HFM1: variants seen among roughly 807,000 people sequenced by gnomAD.
HFM1 encodes helicase for meiosis 1, also known as probable ATP-dependent DNA helicase HFM1.
HFM1 carries 169 observed loss-of-function variants against 192.1 expected under a neutral mutation model. The observed-to-expected ratio is 0.88, with a 90% confidence interval of 0.78 to 1.00. The LOEUF is 1.00. HFM1 is among the 50% of genes least tolerant of loss of function. HFM1 has a pLI of 0.00. For missense variants in HFM1, 1,661 were observed against 1,668.0 expected, an observed-to-expected ratio of 1.00 and a Z score of 0.07; for synonymous variants, 525 against 537.8, an observed-to-expected ratio of 0.98 and a Z score of 0.33.
intron 13 of HFM1, among the ~76,000 whole-genome samples, chr1:91,353,570 T>C (rs1657260961): frequency 7.3e-6 from 1 of 137,640 alleles, no homozygotes; most frequent in African/African-American, 2.7e-5. Context: ...CAAGTCAGTA[T>C]AAAAGTCTAC....
intron 4 of HFM1, among the ~76,000 whole-genome samples, chr1:91,393,104 TTATGG>T (rs1214058191): frequency 1.3e-5 from 2 of 152,204 alleles, no homozygotes; most frequent in African/African-American, 4.8e-5. Context: ...AAGGTGAATT[TTATGG>T]TATGTGAATT....
At chr1:91,347,374 G>T in intron 19 of HFM1, 55 bp downstream of exon 19, 1 of 982,922 alleles carries the variant, frequency 1.0e-6, no homozygotes, top group South Asian at 1.9e-5. Context: ...CACAATAACT[G>T]AACTTTTTCA....
intron 34 of HFM1, 52 bp from the exon 35 acceptor site, chr1:91,267,907 A>G (rs768096553): frequency 3.4e-5 from 32 of 945,360 alleles, no homozygotes; most frequent in Non-Finnish European, 4.9e-5. Context: ...TGGTTTCCAG[A>G]TATATTAAGA....
At chr1:91,289,847 G>A (rs4385688) in intron 30 of HFM1, among the ~76,000 whole-genome samples, 9 of 151,832 alleles carry the variant, frequency 5.9e-5, no homozygotes, top group East Asian at 3.9e-4. Flanking sequence ...GAGGGAGACC[G>A]TGCAAAGAGG....
At position 91,316,170 on chromosome 1, in the gene HFM1, A is replaced by T. The variant is rs748816269; in HGVS notation, c.2913T>A (p.His971Gln). The change falls in exon 27 of 39, where the codon CAT (histidine) becomes CAA (glutamine). Residue 971 changes from histidine (H) to glutamine (Q), a missense_variant. His to Gln is a conservative substitution (Grantham distance 24). Coordinates refer to ENST00000370425, the MANE Select transcript of HFM1 (RefSeq NM_001017975.6). The part of the protein sequence containing the change: ...ARELELILNR[H>Q]PPFGTQIKET... ...CTTTTATCTGGGTTCCAAAGGGGGG[A>T]TGTCTGTTTAAAATCTAAAAATATT... 8.9e-6 allele frequency: 14 copies of T among 1,571,996 alleles called. No homozygotes were observed. Among genetic ancestry groups the T allele is most frequent in the Non-Finnish European group, 1.2e-5 (14 of 1,152,948 alleles).
At chr1:91,364,374 A>G (rs1658940445) in intron 13 of HFM1, among the ~76,000 whole-genome samples, 1 of 151,832 alleles carries the variant, frequency 6.6e-6, no homozygotes, top group Admixed American at 6.6e-5. Context: ...TTATGGAAAT[A>G]GTATTGAGAT....
rs199920073 is a variant in HFM1 at position 91,323,178 on chromosome 1, T to G, written c.2449A>C (p.Lys817Gln). 1 of 1,575,146 alleles carries G rather than the reference T, an allele frequency of 6.3e-7. No individual in the cohort carries two copies. The highest frequency in any genetic ancestry group is 1.1e-5 in the South Asian group (1 of 88,450). ...CTTAACTGTATATCTAGAAATTCCT[T>G]GCAGCCAGCTATCAATGTAACCTAT... ...SDLVTLIAGCKEFLDIQLRIN... is the reference protein window; with the variant it reads ...SDLVTLIAGCQEFLDIQLRIN... Residue 817 changes from lysine (K) to glutamine (Q), a missense_variant, in exon 22 of 39, where the codon AAG (lysine) becomes CAG (glutamine). Lys to Gln is a moderately conservative substitution (Grantham distance 53). Transcript: ENST00000370425.
intron 30 of HFM1, 59 bp downstream of exon 30, chr1:91,313,290 A>G (rs1373302807): frequency 1.0e-6 from 1 of 989,168 alleles, no homozygotes; most frequent in Non-Finnish European, 1.5e-6. Flanking sequence ...TAACACTGAT[A>G]CTCCTTCCTA....
chr1:91,350,710 A>G, intron 18 of HFM1, 28 bp downstream of exon 18: 1 of 1,605,156 alleles, frequency 6.2e-7, no homozygotes, highest in Non-Finnish European at 8.5e-7. Context: ...TGAAAAAATT[A>G]CTACTTTTCC....
chr1:91,365,341 TTAAG>T lies in HFM1; in HGVS notation c.1685+10013_1685+10016del, dbSNP rs553083189. 9.2e-5 allele frequency among the ~76,000 whole-genome samples: 14 copies of T among 152,158 alleles called. No individual in the cohort carries two copies. The East Asian group carries it at 2.3e-3, about 25-fold the overall frequency. Reference sequence around the variant, plus strand: ...AATTATTTTGGATTAGGGATTCTTGTTAAGTAAGTAGATTTAGCTGCTCTTGTCA... The same window carrying T: ...AATTATTTTGGATTAGGGATTCTTGTTAAGTAGATTTAGCTGCTCTTGTCA... On this transcript the variant is annotated intron_variant, in intron 13 of 38. Transcript: ENST00000370425.
intron 19 of HFM1, among the ~76,000 whole-genome samples, chr1:91,346,268 A>G (rs1656125332): frequency 6.6e-6 from 1 of 152,246 alleles, no homozygotes; most frequent in Admixed American, 6.5e-5. Context: ...GAGATAAAAC[A>G]TTAAAGTTAT....
chr1:91,377,842 C>T, intron 11 of HFM1, 183 bp downstream of exon 11: 1 of 588,596 alleles, frequency 1.7e-6, no homozygotes, highest in Non-Finnish European at 3.0e-6. Context: ...TTTTATTAAA[C>T]CTGATTAACC....
intron 5 of HFM1, 35 bp from the exon 6 acceptor site, chr1:91,385,269 CA>C (rs147504208): frequency 3.2e-4 from 390 of 1,208,868 alleles, no homozygotes; most frequent in Non-Finnish European, 3.9e-4. Flanking sequence ...ATATAAATAT[CA>C]AAAAAAAATT....
chr1:91,298,152 AGTAGCTGATCCGATGAACT>A (rs1424875829), intron 30 of HFM1, among the ~76,000 whole-genome samples: 2 of 152,236 alleles, frequency 1.3e-5, no homozygotes, highest in African/African-American at 4.8e-5. Flanking sequence ...CACAAGCCTC[AGTAGCTGATCCGATGAACT>A]GGAAGAAAGG....
chr1:91,300,689 G>T (rs1396472362), intron 30 of HFM1, among the ~76,000 whole-genome samples: 1 of 152,082 alleles, frequency 6.6e-6, no homozygotes, highest in African/African-American at 2.4e-5. Flanking sequence ...AAAACCACAC[G>T]ATTATCTCAA....
At chr1:91,340,554 C>A (rs2101621508) in intron 20 of HFM1, among the ~76,000 whole-genome samples, 1 of 152,162 alleles carries the variant, frequency 6.6e-6, no homozygotes, top group East Asian at 1.9e-4. Context: ...CATAACATAA[C>A]ATAACAAGTC....
At chr1:91,281,153 G>C (rs1667430007) in intron 30 of HFM1, among the ~76,000 whole-genome samples, 2 of 152,276 alleles carry the variant, frequency 1.3e-5, no homozygotes, top group African/African-American at 4.8e-5. Flanking sequence ...ACAAGTCTAA[G>C]CAGAAATCAT....
rs181256367 is a variant in HFM1, at chr1:91,261,354, T to C, written c.4244A>G (p.Tyr1415Cys). The C allele has an allele frequency of 6.5e-6, 9 of 1,391,746 alleles. No individual in the cohort carries two copies. The Admixed American group carries it at 2.3e-4, about 35-fold the overall frequency. The allele number at this position is 1,391,746 out of a possible 1,614,324, so 86.2% of individuals were successfully genotyped here. The change falls in exon 39 of 39, where the codon TAT (tyrosine) becomes TGT (cysteine). Residue 1415 changes from tyrosine (Y) to cysteine (C), a missense_variant. Tyr to Cys is a radical substitution (Grantham distance 194). Transcript: ENST00000370425. ...ECKKEVDFSM[Y>C]HPDDEADEMK... ...TTCATCAGCTTCATCATCAGGATGA[T>C]ACATACTGGGAGAAAGAAGAAAAAG...
intron 30 of HFM1, among the ~76,000 whole-genome samples, chr1:91,293,723 C>G (rs1350762025): frequency 6.6e-6 from 1 of 151,582 alleles, no homozygotes; most frequent in East Asian, 1.9e-4. Flanking sequence ...GACTATAAAT[C>G]ATGCTGCTAT....
Sources: gnomAD v4.1 joint callset for allele counts (sites outside exome capture counted in the v4.1 genomes callset) on GRCh38, gnomAD v4.1.1 for gene constraint, MANE v1.5 for transcripts, NCBI Gene and HGNC (gene_info 2026-07-23, HGNC 2026-07-21) for gene names.